ATG10: variants seen among roughly 807,000 people sequenced by gnomAD.
ATG10 encodes the protein autophagy related 10.
Under a neutral mutation model 32.1 loss-of-function variants are expected in ATG10, and 30 were observed. The observed-to-expected ratio is 0.94, with a 90% confidence interval of 0.70 to 1.27. ATG10 has a LOEUF of 1.27. Ranked by LOEUF, ATG10 falls within the 50% of genes most tolerant of loss-of-function variation. The pLI, the probability that ATG10 is intolerant of heterozygous loss-of-function variation, is 0.00. For missense variants in ATG10, 233 were observed against 262.3 expected (o/e 0.89, Z 0.77); for synonymous variants, 87 against 91.5 (o/e 0.95, Z 0.28).
intron 3 of ATG10, among the ~76,000 whole-genome samples, chr5:82,163,981 T>C (rs1561334244): frequency 6.6e-6 from 1 of 152,306 alleles, no homozygotes; most frequent in East Asian, 1.9e-4. Flanking sequence ...TTTTGGCAAG[T>C]ACAATAGAAT....
intron 2 of ATG10, among the ~76,000 whole-genome samples, chr5:82,042,741 A>G (rs1229023516): frequency 2.6e-5 from 4 of 152,236 alleles, no homozygotes; most frequent in Admixed American, 2.0e-4. Context: ...CAGGGCAGTC[A>G]TTAAATCTTA....
intron 2 of ATG10, among the ~76,000 whole-genome samples, chr5:81,991,162 A>G (rs894303912): frequency 6.6e-6 from 1 of 152,202 alleles, no homozygotes; most frequent in African/African-American, 2.4e-5. Flanking sequence ...AATTTCTGCA[A>G]TCCTGTGCCA....
intron 3 of ATG10, among the ~76,000 whole-genome samples, chr5:82,133,637 A>G (rs1766626850): frequency 6.6e-6 from 1 of 152,050 alleles, no homozygotes; most frequent in South Asian, 2.1e-4. Flanking sequence ...CTTGTAGTGT[A>G]GTTTGAAGTC....
chr5:82,225,350 G>A (rs1427337355), intron 5 of ATG10, among the ~76,000 whole-genome samples: 2 of 152,152 alleles, frequency 1.3e-5, no homozygotes, highest in Non-Finnish European at 2.9e-5. Context: ...TTAGGGGAAT[G>A]CACATATTTG....
chr5:82,119,709 C>T (rs374709846), intron 3 of ATG10, among the ~76,000 whole-genome samples: 1 of 152,134 alleles, frequency 6.6e-6, no homozygotes, highest in East Asian at 1.9e-4. Context: ...GATCTGCCTG[C>T]CTCGGCCTCC....
intron 3 of ATG10, among the ~76,000 whole-genome samples, chr5:82,153,486 CA>C (rs1464236771): frequency 6.6e-6 from 1 of 152,042 alleles, no homozygotes; most frequent in Non-Finnish European, 1.5e-5. Context: ...TCAGAGGTGA[CA>C]GGGGTGACAG....
At chr5:82,056,309 C>T (rs1763592647) in intron 2 of ATG10, among the ~76,000 whole-genome samples, 1 of 151,952 alleles carries the variant, frequency 6.6e-6, no homozygotes, top group African/African-American at 2.4e-5. Context: ...TGAGATAGAA[C>T]TAGTTTCAGA....
chr5:82,098,002 G>A (rs1311962136), intron 3 of ATG10, among the ~76,000 whole-genome samples: 1 of 152,164 alleles, frequency 6.6e-6, no homozygotes, highest in Non-Finnish European at 1.5e-5. Context: ...CCCCTGTGAC[G>A]TTGAGTCTGT....
chr5:82,041,765 A>G (rs1763090108), intron 2 of ATG10, among the ~76,000 whole-genome samples: 1 of 151,906 alleles, frequency 6.6e-6, no homozygotes, highest in African/African-American at 2.4e-5. Flanking sequence ...TAGGCCACTT[A>G]TGTCTCACAG....
At chr5:82,222,501 T>C (rs1745969561) in intron 5 of ATG10, among the ~76,000 whole-genome samples, 1 of 152,236 alleles carries the variant, frequency 6.6e-6, no homozygotes. Context: ...TTGTCTCAAA[T>C]TGATGATGAA....
intron 3 of ATG10, among the ~76,000 whole-genome samples, chr5:82,109,374 T>C (rs1765542155): frequency 6.6e-6 from 1 of 151,986 alleles, no homozygotes; most frequent in Admixed American, 6.6e-5. Context: ...GGCACTAAAA[T>C]ACAAAGTAGA....
At chr5:82,086,022 A>G (rs1405146923) in intron 3 of ATG10, among the ~76,000 whole-genome samples, 2 of 152,182 alleles carry the variant, frequency 1.3e-5, no homozygotes, top group East Asian at 3.8e-4. Context: ...ATGTCAGTAG[A>G]TGTCAAATTT....
chr5:82,214,851 A>T (rs1745617790), intron 5 of ATG10, among the ~76,000 whole-genome samples: 2 of 152,204 alleles, frequency 1.3e-5, no homozygotes, highest in Admixed American at 6.5e-5. Context: ...CTGGGCCCAG[A>T]GGACAGGGAT....
At chr5:82,159,816 G>C (rs1743236352) in intron 3 of ATG10, among the ~76,000 whole-genome samples, 1 of 151,998 alleles carries the variant, frequency 6.6e-6, no homozygotes, top group Non-Finnish European at 1.5e-5. Context: ...TTTTTAACAA[G>C]CCTCAAATTG....
chr5:82,092,568 A>T (rs1165003059), intron 3 of ATG10, among the ~76,000 whole-genome samples: 1 of 152,126 alleles, frequency 6.6e-6, no homozygotes, highest in Non-Finnish European at 1.5e-5. Context: ...AGGTAAAGGG[A>T]CTAAGAGGCT....
At chr5:82,142,547 C>T (rs566511166) in intron 3 of ATG10, among the ~76,000 whole-genome samples, 1 of 152,260 alleles carries the variant, frequency 6.6e-6, no homozygotes, top group South Asian at 2.1e-4. Flanking sequence ...TAAGGGTGCA[C>T]ATATGGGCAG....
chr5:82,030,412 A>G (rs1477300351), intron 2 of ATG10, among the ~76,000 whole-genome samples: 1 of 152,218 alleles, frequency 6.6e-6, no homozygotes, highest in Non-Finnish European at 1.5e-5. Flanking sequence ...TACTACCTAC[A>G]TTTTGGACAG....
At position 82,215,866 on chromosome 5, in the gene ATG10, T is replaced by C. The variant is rs569497591; in HGVS notation, c.454-36696T>C. Among the ~76,000 whole-genome samples, 174 of 149,984 alleles carry C rather than the reference T, an allele frequency of 1.2e-3. 2 individuals carry two copies. Among genetic ancestry groups the C allele is most frequent in the Admixed American group, 2.3e-3 (34 of 14,990 alleles). On this transcript the variant is annotated intron_variant, in intron 5 of 7. Coordinates refer to ENST00000282185, the MANE Select transcript of ATG10 (RefSeq NM_031482.5). ...GGCAGAATAGCTTGAACCTGGGAGG[T>C]GAAGGTTGCAGTGAGCTGAGATCGC...
chr5:82,051,324 G>A (rs1763417009), intron 2 of ATG10, among the ~76,000 whole-genome samples: 3 of 152,116 alleles, frequency 2.0e-5, no homozygotes, highest in African/African-American at 7.2e-5. Flanking sequence ...TTCCTTAAGT[G>A]GAATTTAGTA....
Sources: gnomAD v4.1 joint callset for allele counts (sites outside exome capture counted in the v4.1 genomes callset) on GRCh38, gnomAD v4.1.1 for gene constraint, MANE v1.5 for transcripts, NCBI Gene and HGNC (gene_info 2026-07-23, HGNC 2026-07-21) for gene names.